PPP1R16B: variants seen among roughly 807,000 people sequenced by gnomAD.
The protein encoded by PPP1R16B is protein phosphatase 1 regulatory inhibitor subunit 16B.
Under a neutral mutation model 61.7 loss-of-function variants are expected in PPP1R16B, and 14 were observed. The ratio of observed to expected loss-of-function variants is 0.23; its 90% CI spans 0.15 to 0.35. PPP1R16B has a LOEUF of 0.35. PPP1R16B is among the 10% of genes least tolerant of loss of function. The pLI is 1.00. For synonymous variants in PPP1R16B, 266 were observed against 305.3 expected (o/e 0.87, Z 1.34); for missense variants, 547 against 752.5 (o/e 0.73, Z 3.19).
At chr20:38,914,971 A>AT (rs1050665316) in intron 10 of PPP1R16B, among the ~76,000 whole-genome samples, 7 of 152,118 alleles carry the variant, frequency 4.6e-5, no homozygotes, top group Middle Eastern at 6.8e-3. Flanking sequence ...CCCAGCAGGG[A>AT]TTTTTTTCTT....
At chr20:38,879,728 G>A (rs1427199699) in intron 2 of PPP1R16B, among the ~76,000 whole-genome samples, 1 of 152,182 alleles carries the variant, frequency 6.6e-6, no homozygotes, top group Non-Finnish European at 1.5e-5. Flanking sequence ...TAAGTTACAT[G>A]TGCAGAGGCA....
intron 2 of PPP1R16B, among the ~76,000 whole-genome samples, chr20:38,865,581 G>A (rs558854420): frequency 2.6e-5 from 4 of 152,258 alleles, no homozygotes; most frequent in East Asian, 3.9e-4. Flanking sequence ...GTGAGCCGCC[G>A]CGCCCGGCCT....
chr20:38,816,569 A>G (rs62202500), intron 1 of PPP1R16B, among the ~76,000 whole-genome samples: 13,949 of 152,264 alleles, frequency 0.092, 664 homozygotes, highest in African/African-American at 0.12. Context: ...TGGTCGACCC[A>G]CCTGGGGGGA....
chr20:38,877,983 A>T, intron 2 of PPP1R16B, among the ~76,000 whole-genome samples: 1 of 123,674 alleles, frequency 8.1e-6, no homozygotes, highest in South Asian at 2.5e-4. Flanking sequence ...TTTTTTTGGC[A>T]ACCAAATCAT....
chr20:38,914,438 A>G (rs1568687248), intron 10 of PPP1R16B, among the ~76,000 whole-genome samples: 1 of 152,142 alleles, frequency 6.6e-6, no homozygotes. Context: ...CATTGCCAAG[A>G]TGATGGTGCC....
intron 3 of PPP1R16B, among the ~76,000 whole-genome samples, chr20:38,889,964 T>C (rs1568676075): frequency 6.6e-6 from 1 of 152,224 alleles, no homozygotes; most frequent in African/African-American, 2.4e-5. Context: ...GTTTGGAGCT[T>C]GACAGTGTAC....
intron 1 of PPP1R16B, among the ~76,000 whole-genome samples, chr20:38,819,029 G>A (rs2084757193): frequency 6.6e-6 from 1 of 152,002 alleles, no homozygotes; most frequent in South Asian, 2.1e-4. Flanking sequence ...TTCCATCTTG[G>A]CCTCCCAAAG....
intron 2 of PPP1R16B, among the ~76,000 whole-genome samples, chr20:38,861,926 C>T (rs1306081267): frequency 1.3e-5 from 2 of 152,162 alleles, no homozygotes; most frequent in African/African-American, 4.8e-5. Flanking sequence ...CCACCCACCT[C>T]GGCCTCCCAA....
At chr20:38,893,764 C>G (rs186663286) in intron 3 of PPP1R16B, among the ~76,000 whole-genome samples, 1 of 152,090 alleles carries the variant, frequency 6.6e-6, no homozygotes, top group Non-Finnish European at 1.5e-5. Context: ...TGGTCCAGCC[C>G]CTGGACATCT....
At position 38,835,846 on chromosome 20, in the gene PPP1R16B, C is replaced by G; in HGVS notation, c.-80C>G. On this transcript the variant is annotated 5_prime_UTR_variant, in exon 2 of 11. Coordinates refer to ENST00000299824, the MANE Select transcript of PPP1R16B (RefSeq NM_015568.4). ...ACAGGCCACACCATGAGGCCCCAGC[C>G]CCACCAGAGGCCCCGCGCTGCCCTG... The G allele has an allele frequency of 7.0e-7, 1 of 1,430,738 alleles. No homozygotes were observed. Among genetic ancestry groups the G allele is most frequent in the Non-Finnish European group, 9.2e-7 (1 of 1,089,708 alleles). 88.6% of individuals were successfully genotyped at this position (1,430,738 alleles called of 1,614,324 possible). A position where few individuals can be genotyped will look rare whatever the true frequency, so the allele number is the denominator to read the frequency against.
chr20:38,852,768 T>TTTGGGGG (rs1601257219), intron 2 of PPP1R16B, among the ~76,000 whole-genome samples: 2 of 62,332 alleles, frequency 3.2e-5, no homozygotes, highest in Non-Finnish European at 3.0e-5. Context: ...TTTTTTTTTT[T>TTTGGGGG]GCGGGGGGTG....
chr20:38,850,616 C>A (rs1438303689), intron 2 of PPP1R16B, among the ~76,000 whole-genome samples: 5 of 152,168 alleles, frequency 3.3e-5, no homozygotes, highest in Non-Finnish European at 5.9e-5. Context: ...TGTGGCTAAG[C>A]TAGAGGCTGC....
intron 2 of PPP1R16B, among the ~76,000 whole-genome samples, chr20:38,845,630 A>T (rs1442297278): frequency 6.6e-6 from 1 of 152,042 alleles, no homozygotes; most frequent in Non-Finnish European, 1.5e-5. Context: ...TGTACAAAGG[A>T]TGTGTGATGG....
chr20:38,906,211 T>C, intron 7 of PPP1R16B, 117 bp downstream of exon 7: 1 of 1,107,270 alleles, frequency 9.0e-7, no homozygotes. Context: ...CTTAAGGTGT[T>C]GAATATAGCT....
chr20:38,837,686 CA>C (rs1480458113), intron 2 of PPP1R16B, among the ~76,000 whole-genome samples: 1 of 151,994 alleles, frequency 6.6e-6, no homozygotes, highest in African/African-American at 2.4e-5. Flanking sequence ...GCTGGGATTA[CA>C]GGCGTTCACC....
chr20:38,827,912 T>C (rs2084814518), intron 1 of PPP1R16B, among the ~76,000 whole-genome samples: 2 of 152,204 alleles, frequency 1.3e-5, no homozygotes, highest in African/African-American at 4.8e-5. Context: ...CAGCACTGTT[T>C]GTTTTGTTTT....
At chr20:38,902,960 G>T (rs542015054) in intron 6 of PPP1R16B, among the ~76,000 whole-genome samples, 168 bp downstream of exon 6, 1 of 152,350 alleles carries the variant, frequency 6.6e-6, no homozygotes, top group East Asian at 1.9e-4. Context: ...GCAGAGCAGG[G>T]CTCAGCCTCT....
chr20:38,812,560 T>A (rs746662821), intron 1 of PPP1R16B, among the ~76,000 whole-genome samples: 1 of 152,162 alleles, frequency 6.6e-6, no homozygotes, highest in Non-Finnish European at 1.5e-5. Context: ...AAAGCAGGGG[T>A]CTCAATTCTG....
chr20:38,853,754 G>C (rs2084984399), intron 2 of PPP1R16B, among the ~76,000 whole-genome samples: 1 of 152,148 alleles, frequency 6.6e-6, no homozygotes, highest in Non-Finnish European at 1.5e-5. Flanking sequence ...GGTTCTGCCT[G>C]GGCTCACTCA....
Sources: allele counts gnomAD v4.1 joint callset (sites outside exome capture counted in the v4.1 genomes callset), GRCh38; gene constraint gnomAD v4.1.1; transcripts MANE v1.5; gene names NCBI Gene and HGNC (gene_info 2026-07-23, HGNC 2026-07-21).